ORC5: variants seen among roughly 807,000 people sequenced by gnomAD.
ORC5 encodes origin recognition complex subunit 5, also known as protein phosphatase 1, regulatory subunit 117.
Under a neutral mutation model 58.8 loss-of-function variants are expected in ORC5, and 39 were observed. That is an observed-to-expected ratio of 0.66 (90% CI 0.51 to 0.87). ORC5 has a LOEUF of 0.87. Ranked by LOEUF, ORC5 falls within the 40% of genes least tolerant of loss-of-function variation. The probability of loss-of-function intolerance (pLI) is 0.00; values close to 1 mark genes in which losing one functional copy is unlikely to be tolerated. For missense variants in ORC5, 493 were observed against 506.3 expected (o/e 0.97, Z 0.25); for synonymous variants, 218 against 177.6 (o/e 1.23, Z -1.81).
chr7:104,148,543 TG>T (rs1798797012), intron 12 of ORC5, among the ~76,000 whole-genome samples: 1 of 152,180 alleles, frequency 6.6e-6, no homozygotes, highest in Non-Finnish European at 1.5e-5. Context: ...GCAAATGTCC[TG>T]CCACAGGGAT....
At chr7:104,189,567 C>T (rs1299134216) in intron 5 of ORC5, among the ~76,000 whole-genome samples, 1 of 151,940 alleles carries the variant, frequency 6.6e-6, no homozygotes, top group African/African-American at 2.4e-5. Context: ...GACCAATGAC[C>T]AATGATTTAA....
intron 11 of ORC5, among the ~76,000 whole-genome samples, chr7:104,164,591 T>G (rs557842658): frequency 1.8e-4 from 28 of 152,316 alleles, no homozygotes; most frequent in African/African-American, 6.7e-4. Flanking sequence ...GTGCAGAGTT[T>G]ATATTTCAAA....
rs1429780978 is a variant in ORC5, at chr7:104,166,823, T to C, written c.939A>G (p.Ala313=). 3.1e-6 allele frequency: 5 copies of C among 1,613,204 alleles called. No individual in the cohort carries two copies. Among genetic ancestry groups the C allele is most frequent in the Non-Finnish European group, 4.2e-6 (5 of 1,179,294 alleles). The change falls in exon 10 of 14, where the codon GCA becomes GCG. Residue 313 remains alanine (A), a synonymous_variant. Transcript: ENST00000297431. The stretch of plus-strand genomic sequence containing the variant: ...TTGCTGGATTGTATGAAGCAAGGTA[T>C]GCAGCAATTAGAATGAACTTAGAGT... ...PYYSKFILIA[A]YLASYNPART...
In ORC5 at chr7:104,136,623, G is replaced by T. The variant is rs899895010; in HGVS notation, c.1262+158C>A. 6.6e-6 allele frequency among the ~76,000 whole-genome samples: 1 copy of T among 152,114 alleles called. No individual in the cohort carries two copies. The highest frequency in any genetic ancestry group is 2.1e-4 in the South Asian group (1 of 4,820). On this transcript the variant is annotated intron_variant, in intron 13 of 13. Transcript: ENST00000297431. This position sits in a 1 kb window ranked among gnomAD's most constrained non-coding sequence, Gnocchi z 4.2. ...TATTTCTCCCAGTTTTACATCATTT[G>T]TAAATTTGAGAAGGTTCATTCTATC...
At position 104,126,912 on chromosome 7, in the gene ORC5, A is replaced by T; in HGVS notation, c.1263-19T>A. 6.4e-7 allele frequency: 1 copy of T among 1,566,000 alleles called. No homozygotes were observed. Among genetic ancestry groups the T allele is most frequent in the Non-Finnish European group, 8.8e-7 (1 of 1,137,776 alleles). On this transcript the variant is annotated intron_variant, in intron 13 of 13. Transcript: ENST00000297431. ...CACCGTCCTAAAAACAAAAACAGATAATATGTTAGCATTCTCACCCCTAGA... is the reference window on the plus strand; with the variant it reads ...CACCGTCCTAAAAACAAAAACAGATTATATGTTAGCATTCTCACCCCTAGA...
At chr7:104,128,590 T>G (rs1584472485) in intron 13 of ORC5, among the ~76,000 whole-genome samples, 1 of 151,754 alleles carries the variant, frequency 6.6e-6, no homozygotes, top group Non-Finnish European at 1.5e-5. Context: ...TAGTTACATA[T>G]GTATACATGT....
chr7:104,191,119 G>GAAA (rs749674288), intron 5 of ORC5, among the ~76,000 whole-genome samples: 2 of 78,866 alleles, frequency 2.5e-5, no homozygotes, highest in African/African-American at 8.8e-5. Flanking sequence ...CAAAACTGCT[G>GAAA]AAAAAAAAAA....
intron 12 of ORC5, among the ~76,000 whole-genome samples, chr7:104,158,537 G>A (rs1798967051): frequency 6.6e-6 from 1 of 151,616 alleles, no homozygotes; most frequent in Admixed American, 6.6e-5. Flanking sequence ...GAGTGAACAG[G>A]CAACCTACAA....
At chr7:104,144,849 C>A (rs571099803) in intron 12 of ORC5, among the ~76,000 whole-genome samples, 1 of 152,292 alleles carries the variant, frequency 6.6e-6, no homozygotes, top group Admixed American at 6.5e-5. Context: ...ACTCAGATCT[C>A]CAGGCTAGTA....
chr7:104,197,868 G>A (rs1013863917), intron 3 of ORC5, 69 bp from the exon 4 acceptor site: 4 of 958,614 alleles, frequency 4.2e-6, no homozygotes, highest in Non-Finnish European at 6.3e-6. Context: ...GACATGATTT[G>A]ACTATGTCCC....
chr7:104,180,849 C>A (rs558620886), intron 8 of ORC5, among the ~76,000 whole-genome samples: 1 of 152,244 alleles, frequency 6.6e-6, no homozygotes, highest in Admixed American at 6.5e-5. Context: ...CCACAAAAAT[C>A]ATCAAATTTC....
chr7:104,189,624 G>T (rs932336890), intron 5 of ORC5, among the ~76,000 whole-genome samples: 2 of 152,114 alleles, frequency 1.3e-5, no homozygotes, highest in Admixed American at 1.3e-4. Flanking sequence ...AATCCTAAAT[G>T]ATGAGGTTCT....
intron 12 of ORC5, among the ~76,000 whole-genome samples, chr7:104,148,394 T>A (rs1203519400): frequency 2.0e-5 from 3 of 151,784 alleles, no homozygotes; most frequent in African/African-American, 7.2e-5. Flanking sequence ...CCACCTTGCA[T>A]TCTACAGTGA....
In ORC5 at chr7:104,178,108, A is replaced by C. The variant is rs531301299; in HGVS notation, c.824+5835T>G. ...CCCAGTAATGGGATTGCTGGGTCAA[A>C]TGGTATTTCTGGTTCTAGACCCCTG... On this transcript the variant is annotated intron_variant, in intron 8 of 13. Transcript: ENST00000297431. Among the ~76,000 whole-genome samples the C allele has an allele frequency of 6.1e-4, 93 of 152,272 alleles. No homozygotes were observed. The South Asian group carries it at 0.019, about 31-fold the overall frequency.
At chr7:104,155,034 G>A (rs1798900951) in intron 12 of ORC5, among the ~76,000 whole-genome samples, 1 of 151,826 alleles carries the variant, frequency 6.6e-6, no homozygotes, top group South Asian at 2.1e-4. Context: ...ATTCATTTGA[G>A]AAAAACAATT....
intron 5 of ORC5, among the ~76,000 whole-genome samples, chr7:104,190,285 T>G (rs1799645302): frequency 6.6e-6 from 1 of 152,080 alleles, no homozygotes; most frequent in South Asian, 2.1e-4. Flanking sequence ...TTCTTCCTAT[T>G]AAGTAAATCA....
intron 3 of ORC5, among the ~76,000 whole-genome samples, chr7:104,199,210 A>G (rs1040021751): frequency 1.3e-5 from 2 of 152,168 alleles, no homozygotes; most frequent in Admixed American, 6.5e-5. Context: ...CTATGAGAAG[A>G]GGGCCACCAT....
intron 8 of ORC5, among the ~76,000 whole-genome samples, chr7:104,173,869 G>T (rs1409190828): frequency 7.5e-6 from 1 of 132,636 alleles, no homozygotes; most frequent in East Asian, 2.2e-4. Context: ...TTTTGAGACG[G>T]AGTCTCGCTC....
chr7:104,191,159 T>A (rs1196827473), intron 5 of ORC5, among the ~76,000 whole-genome samples: 2 of 147,982 alleles, frequency 1.4e-5, no homozygotes, highest in Non-Finnish European at 3.0e-5. Flanking sequence ...GTAGAGTCCA[T>A]GTACTTTTAC....
Sources: gnomAD v4.1 joint callset for allele counts (sites outside exome capture counted in the v4.1 genomes callset) on GRCh38, gnomAD v4.1.1 for gene constraint, Gnocchi (gnomAD v3.1) non-coding constraint, MANE v1.5 for transcripts, NCBI Gene and HGNC (gene_info 2026-07-23, HGNC 2026-07-21) for gene names.